SCN10A: variants seen among roughly 807,000 people sequenced by gnomAD.
SCN10A encodes the protein sodium voltage-gated channel alpha subunit 10.
A neutral mutation model predicts 170.7 loss-of-function variants in SCN10A; 162 were observed. The observed-to-expected ratio is 0.95, with a 90% CI of 0.84 to 1.08. SCN10A has a LOEUF of 1.08. Ranked by LOEUF, SCN10A falls within the 50% of genes least tolerant of loss-of-function variation. The probability of loss-of-function intolerance (pLI) is 0.00; values close to 1 mark genes in which losing one functional copy is unlikely to be tolerated. For synonymous variants in SCN10A, 985 were observed against 904.6 expected (o/e 1.09, Z -1.59); for missense variants, 2,527 against 2,436.9 (o/e 1.04, Z -0.78).
intron 4 of SCN10A, among the ~76,000 whole-genome samples, chr3:38,777,724 G>C (rs2064092421): frequency 6.6e-6 from 1 of 152,056 alleles, no homozygotes; most frequent in Admixed American, 6.6e-5. Context: ...ACGTGGTGTT[G>C]ACTCAGGATG....
intron 15 of SCN10A, among the ~76,000 whole-genome samples, chr3:38,729,630 A>T (rs2063495274): frequency 6.6e-6 from 1 of 152,202 alleles, no homozygotes; most frequent in South Asian, 2.1e-4. Flanking sequence ...TGTAAACTCA[A>T]ATATGCTAAG....
At position 38,707,380 on chromosome 3, in the gene SCN10A, C is replaced by G. The variant is rs750853186; in HGVS notation, c.4285G>C (p.Gly1429Arg). 3.7e-6 allele frequency: 6 copies of G among 1,614,036 alleles called. No homozygotes were observed. The highest frequency in any genetic ancestry group is 5.1e-6 in the Non-Finnish European group (6 of 1,179,946). ...DNFNQQKKKL[G>R]GQDIFMTEEQ... ...TCTGTCATGAAGATGTCCTGGCCCCCTAAGTGCAGAGAGGGCCACACTGTT... is the reference window on the plus strand; with the variant it reads ...TCTGTCATGAAGATGTCCTGGCCCCGTAAGTGCAGAGAGGGCCACACTGTT... The change falls in exon 26 of 28, where the codon GGG becomes CGG. Residue 1429 changes from glycine to arginine, a missense_variant. Gly to Arg is a moderately radical substitution (Grantham distance 125). Transcript: ENST00000449082.
rs1474093404 is a variant in SCN10A, at chr3:38,739,552, T to C, written c.2243A>G (p.Lys748Arg). The C allele has an allele frequency of 2.5e-6, 4 of 1,614,016 alleles. No homozygotes were observed. Among genetic ancestry groups the C allele is most frequent in the Non-Finnish European group, 3.4e-6 (4 of 1,180,030 alleles). The change falls in exon 15 of 28, where the codon AAG (lysine) becomes AGG (arginine). Residue 748 changes from lysine to arginine, a missense_variant. Coordinates refer to ENST00000449082, the MANE Select transcript of SCN10A (RefSeq NM_006514.4). ...TVSLLELGVAKKGSLSVLRSF... is the reference protein window; with the variant it reads ...TVSLLELGVARKGSLSVLRSF... ...CCGCAGCACAGACAGGCTTCCCTTC[T>C]TGGCCACGCCCAGCTCTAGCAGACT...
chr3:38,797,143 A>T (rs978088482), intron 1 of SCN10A, among the ~76,000 whole-genome samples: 2 of 152,054 alleles, frequency 1.3e-5, no homozygotes, highest in African/African-American at 4.8e-5. Context: ...TGGCAGAGGC[A>T]GTGCTTAAAT....
At chr3:38,737,033 C>A (rs2063572215) in intron 15 of SCN10A, among the ~76,000 whole-genome samples, 1 of 124,156 alleles carries the variant, frequency 8.1e-6, no homozygotes, top group East Asian at 2.7e-4. Flanking sequence ...TGCAGTGGCG[C>A]AATCTCGGCT....
At chr3:38,717,780 A>G (rs2063347908) in intron 21 of SCN10A, among the ~76,000 whole-genome samples, 1 of 152,226 alleles carries the variant, frequency 6.6e-6, no homozygotes, top group Non-Finnish European at 1.5e-5. Flanking sequence ...AACACAGCAC[A>G]TGCCTCACCC....
At chr3:38,763,437 T>C in intron 6 of SCN10A, 68 bp downstream of exon 6, 2 of 1,221,650 alleles carry the variant, frequency 1.6e-6, no homozygotes, top group South Asian at 1.2e-5. Context: ...CTTACAGGGT[T>C]CTTGTGAAAA....
intron 21 of SCN10A, among the ~76,000 whole-genome samples, chr3:38,714,750 C>T (rs565767073): frequency 1.1e-4 from 16 of 152,314 alleles, no homozygotes; most frequent in South Asian, 8.3e-4. Flanking sequence ...GATATAATGA[C>T]TGACTTGTGA....
chr3:38,740,803 CT>C (rs2063622810), intron 14 of SCN10A, among the ~76,000 whole-genome samples: 1 of 152,220 alleles, frequency 6.6e-6, no homozygotes, highest in Non-Finnish European at 1.5e-5. Context: ...AAAAGTGGCA[CT>C]TTCCTCTGAC....
chr3:38,717,462 T>C (rs1281021268), intron 21 of SCN10A, among the ~76,000 whole-genome samples: 3 of 152,240 alleles, frequency 2.0e-5, no homozygotes, highest in African/African-American at 7.2e-5. Context: ...TAAATAATTT[T>C]CCTTTCATTT....
At chr3:38,799,110 G>C (rs545347139) in intron 1 of SCN10A, among the ~76,000 whole-genome samples, 1 of 152,098 alleles carries the variant, frequency 6.6e-6, no homozygotes, top group Non-Finnish European at 1.5e-5. Flanking sequence ...TCAGGTGGGA[G>C]GGGTTCTTTC....
At chr3:38,815,230 C>T (rs1278378077) in intron 1 of SCN10A, among the ~76,000 whole-genome samples, 2 of 152,300 alleles carry the variant, frequency 1.3e-5, no homozygotes, top group South Asian at 2.1e-4. Flanking sequence ...CCTCTCTGAA[C>T]GTGTATAAAT....
Position 38,698,243 on chromosome 3 carries a change from C to A in SCN10A, c.4977G>T (p.Thr1659=). The A allele has an allele frequency of 6.2e-7, 1 of 1,614,122 alleles. No homozygotes were observed. Among genetic ancestry groups the A allele is most frequent in the Non-Finnish European group, 8.5e-7 (1 of 1,180,016 alleles). The change falls in exon 28 of 28, where the codon ACG becomes ACT. Residue 1659 remains threonine, a synonymous_variant. Coordinates refer to ENST00000449082, the MANE Select transcript of SCN10A (RefSeq NM_006514.4). ...NSMLCLFQIT[T]SAGWDGLLSP... is the part of the protein sequence containing the mutation. ...TGAGGAGGCCATCCCAGCCGGCCGA[C>A]GTGGTAATCTGGAAGAGGCACAGCA...
At chr3:38,759,921 A>C (rs561002322) in intron 8 of SCN10A, among the ~76,000 whole-genome samples, 6 of 152,322 alleles carry the variant, frequency 3.9e-5, no homozygotes, top group Admixed American at 6.5e-5. Context: ...AGTCTGATAC[A>C]TGTGTTTTTT....
At chr3:38,740,878 G>T (rs1295024115) in intron 14 of SCN10A, among the ~76,000 whole-genome samples, 1 of 152,164 alleles carries the variant, frequency 6.6e-6, no homozygotes, top group Non-Finnish European at 1.5e-5. Context: ...GAGGGTGTGG[G>T]CTCAAATGTC....
At chr3:38,807,132 C>T (rs2064409611) in intron 1 of SCN10A, among the ~76,000 whole-genome samples, 1 of 152,044 alleles carries the variant, frequency 6.6e-6, no homozygotes, top group African/African-American at 2.4e-5. Flanking sequence ...TTAATATTAC[C>T]AGTTATATTT....
At chr3:38,771,488 G>A in intron 4 of SCN10A, 81 bp from the exon 5 acceptor site, 1 of 1,396,054 alleles carries the variant, frequency 7.2e-7, no homozygotes. Context: ...AGGGAGGGAT[G>A]ACCTGCTCTG....
rs2063121484 is a variant in SCN10A, at chr3:38,698,436, G to A, written c.4784C>T (p.Thr1595Ile). The A allele has an allele frequency of 1.2e-6, 2 of 1,614,210 alleles. No individual in the cohort carries two copies. The change falls in exon 28 of 28, where the codon ACA (threonine) becomes ATA (isoleucine). Residue 1595 changes from threonine (T) to isoleucine (I), a missense_variant. By Grantham distance (89) the Thr-to-Ile change is moderately conservative. Transcript: ENST00000449082. ...RLIRAAKGIR[T>I]LLFALMMSLP... is the part of the protein sequence containing the mutation. ...GGACATCATGAGGGCAAAGAGCAGT[G>A]TGCGGATCCCCTTGGCCGCTCGGAT...
At chr3:38,756,624 A>G (rs1322056806) in intron 10 of SCN10A, 50 bp downstream of exon 10, 2 of 1,489,838 alleles carry the variant, frequency 1.3e-6, no homozygotes, top group Admixed American at 3.3e-5. Context: ...ACAGTATCCA[A>G]GAATGGACAG....
Sources: allele counts gnomAD v4.1 joint callset (sites outside exome capture counted in the v4.1 genomes callset), GRCh38; gene constraint gnomAD v4.1.1; transcripts MANE v1.5; gene names NCBI Gene and HGNC (gene_info 2026-07-23, HGNC 2026-07-21).